WWOX: variants seen among roughly 807,000 people sequenced by gnomAD.
WWOX encodes the protein WW domain containing oxidoreductase.
Under a neutral mutation model 46.2 loss-of-function variants are expected in WWOX, and 69 were observed. That is an observed-to-expected ratio of 1.49 (90% CI 1.23 to 1.82). The LOEUF (loss-of-function observed/expected upper bound fraction) is 1.82, where lower values mean the gene tolerates loss of function less well. WWOX is among the 40% of genes most tolerant of loss of function. The pLI, the probability that WWOX is intolerant of heterozygous loss-of-function variation, is 0.00. For missense variants in WWOX, 919 were observed against 542.6 expected, an observed-to-expected ratio of 1.69 and a Z score of -6.89; for synonymous variants, 359 against 202.6, an observed-to-expected ratio of 1.77 and a Z score of -6.56.
chr16:78,507,009 C>T (rs1032648305), intron 8 of WWOX, among the ~76,000 whole-genome samples: 2 of 152,134 alleles, frequency 1.3e-5, no homozygotes, highest in Non-Finnish European at 2.9e-5. Flanking sequence ...CCACCGTGCA[C>T]GACCTCAGGG....
chr16:78,478,635 C>T (rs1368964587), intron 8 of WWOX, among the ~76,000 whole-genome samples: 1 of 152,128 alleles, frequency 6.6e-6, no homozygotes, highest in African/African-American at 2.4e-5. Flanking sequence ...TATTCCAGGC[C>T]ACAAGGGTGC....
At chr16:78,181,263 G>C (rs2035524621) in intron 5 of WWOX, among the ~76,000 whole-genome samples, 1 of 152,070 alleles carries the variant, frequency 6.6e-6, no homozygotes, top group Non-Finnish European at 1.5e-5. Flanking sequence ...TTTAGTGCTG[G>C]GCTTTGCATC....
intron 8 of WWOX, chr16:79,016,840 G>T (rs923100371): frequency 6.6e-6 from 1 of 152,200 alleles, no homozygotes; most frequent in Non-Finnish European, 1.5e-5. Flanking sequence ...GACTGACGTC[G>T]TGTTAACTGA....
chr16:78,355,659 C>T (rs913141015), intron 5 of WWOX: 1 of 700,528 alleles, frequency 1.4e-6, no homozygotes, highest in Non-Finnish European at 2.5e-6. Context: ...AGATTACATA[C>T]TTATGATCAA....
chr16:78,486,360 T>C (rs537193048), intron 8 of WWOX, among the ~76,000 whole-genome samples: 1 of 152,350 alleles, frequency 6.6e-6, no homozygotes, highest in Admixed American at 6.5e-5. Context: ...TCTACTAAGA[T>C]TATTCAGAAG....
intron 8 of WWOX, among the ~76,000 whole-genome samples, chr16:78,690,126 G>T (rs960121030): frequency 6.6e-6 from 1 of 152,162 alleles, no homozygotes; most frequent in African/African-American, 2.4e-5. Context: ...CTCCCAAAGT[G>T]CTGGGATTAC....
At chr16:78,911,646 A>G (rs2045114414) in intron 8 of WWOX, among the ~76,000 whole-genome samples, 1 of 152,040 alleles carries the variant, frequency 6.6e-6, no homozygotes, top group African/African-American at 2.4e-5. Flanking sequence ...CAGGCAGATC[A>G]CTTGAAGTCA....
chr16:78,918,076 C>T (rs749366796), intron 8 of WWOX, among the ~76,000 whole-genome samples: 2 of 151,998 alleles, frequency 1.3e-5, no homozygotes, highest in East Asian at 1.9e-4. Flanking sequence ...GTGGTGCATG[C>T]TTGTAGTCCC....
At chr16:79,020,771 G>C (rs190763534) in intron 8 of WWOX, among the ~76,000 whole-genome samples, 2 of 152,156 alleles carry the variant, frequency 1.3e-5, no homozygotes, top group Non-Finnish European at 1.5e-5. Flanking sequence ...CCCACACGTC[G>C]TGTGGATTCT....
chr16:78,484,720 C>A (rs1364033557), intron 8 of WWOX, among the ~76,000 whole-genome samples: 4 of 152,076 alleles, frequency 2.6e-5, no homozygotes, highest in African/African-American at 9.7e-5. Flanking sequence ...AAATAATTCT[C>A]TCTCCCAAAA....
rs541707370 is a variant in WWOX at position 78,901,313 on chromosome 16, C to T, written c.1057-310295C>T. On this transcript the variant is annotated intron_variant, in intron 8 of 8. Transcript: ENST00000566780. The stretch of plus-strand genomic sequence containing the variant: ...TGTGTTTGTGAAAATAAGACTATGT[C>T]ATGAAAGCTTTAGAATATCCAACAC... Among the ~76,000 whole-genome samples the T allele has an allele frequency of 5.3e-5, 8 of 152,332 alleles. No homozygotes were observed. In the East Asian group the frequency reaches 7.7e-4, roughly 15 times the overall value.
intron 8 of WWOX, among the ~76,000 whole-genome samples, chr16:78,960,384 A>G (rs572263194): frequency 6.6e-6 from 1 of 152,312 alleles, no homozygotes; most frequent in Non-Finnish European, 1.5e-5. Context: ...GGCTGATACT[A>G]CCTGTCCTTC....
intron 8 of WWOX, among the ~76,000 whole-genome samples, chr16:78,659,578 T>A (rs961425225): frequency 2.6e-5 from 4 of 152,146 alleles, no homozygotes; most frequent in Non-Finnish European, 5.9e-5. Context: ...TTGAATCAAT[T>A]ATCAAATGTT....
At chr16:78,237,765 T>G (rs1459923394) in intron 5 of WWOX, 1 of 152,248 alleles carries the variant, frequency 6.6e-6, no homozygotes, top group African/African-American at 2.4e-5. Flanking sequence ...TCATAAAGTT[T>G]TGAATTTCAT....
At chr16:78,254,506 T>TTTTTTTTTTTTTA (rs2038074449) in intron 5 of WWOX, among the ~76,000 whole-genome samples, 1 of 102,944 alleles carries the variant, frequency 9.7e-6, no homozygotes, top group African/African-American at 3.5e-5. Context: ...TTTCTTGTTT[T>TTTTTTTTTTTTTA]TTTTTTTTTT....
chr16:78,852,631 C>G (rs1022117698), intron 8 of WWOX, among the ~76,000 whole-genome samples: 4 of 152,146 alleles, frequency 2.6e-5, no homozygotes, highest in African/African-American at 9.7e-5. Flanking sequence ...CCCAGAAAAT[C>G]TATGTGAGGG....
intron 8 of WWOX, among the ~76,000 whole-genome samples, chr16:78,542,847 G>T (rs757559026): frequency 6.6e-6 from 1 of 152,054 alleles, no homozygotes; most frequent in Admixed American, 6.6e-5. Flanking sequence ...GGGATTCTCA[G>T]TTAAAACCCA....
intron 8 of WWOX, among the ~76,000 whole-genome samples, chr16:78,649,016 C>G (rs1319262375): frequency 6.6e-6 from 1 of 152,128 alleles, no homozygotes; most frequent in Non-Finnish European, 1.5e-5. Flanking sequence ...CTCTGTCACC[C>G]AGGCTGGAGT....
intron 8 of WWOX, among the ~76,000 whole-genome samples, chr16:78,632,188 C>A (rs1023479451): frequency 1.3e-5 from 2 of 152,266 alleles, no homozygotes; most frequent in East Asian, 1.9e-4. Context: ...TGACAAGTTG[C>A]AGAATGCCCC....
Sources: allele counts gnomAD v4.1 joint callset (sites outside exome capture counted in the v4.1 genomes callset), GRCh38; gene constraint gnomAD v4.1.1; transcripts MANE v1.5; gene names NCBI Gene and HGNC (gene_info 2026-07-23, HGNC 2026-07-21).